The following EYA4 variants were observed in gnomAD, a reference collection of about 807,000 sequenced individuals.
EYA4 encodes the protein EYA transcriptional coactivator and phosphatase 4.
EYA4 carries 31 observed loss-of-function variants against 87.9 expected under a neutral mutation model. The ratio of observed to expected loss-of-function variants is 0.35; its 90% CI spans 0.27 to 0.48. The LOEUF is 0.48. EYA4 is among the 20% of genes least tolerant of loss of function. The probability of loss-of-function intolerance (pLI) is 0.99; values close to 1 mark genes in which losing one functional copy is unlikely to be tolerated. For missense variants in EYA4, 678 were observed against 761.4 expected, an observed-to-expected ratio of 0.89 and a Z score of 1.29; for synonymous variants, 263 against 270.6, an observed-to-expected ratio of 0.97 and a Z score of 0.28.
intron 3 of EYA4, among the ~76,000 whole-genome samples, chr6:133,428,831 A>C (rs1167797054): frequency 6.6e-6 from 1 of 150,580 alleles, no homozygotes; most frequent in Non-Finnish European, 1.5e-5. Context: ...AATTTGGTAA[A>C]CTAATTATTC....
intron 13 of EYA4, among the ~76,000 whole-genome samples, chr6:133,484,367 G>T (rs566305402): frequency 4.5e-4 from 68 of 152,144 alleles, no homozygotes; most frequent in African/African-American, 1.6e-3. Context: ...ATTAAGCTTT[G>T]TCTTCTGACA....
intron 2 of EYA4, among the ~76,000 whole-genome samples, chr6:133,321,628 A>T (rs1781098535): frequency 6.6e-6 from 1 of 152,158 alleles, no homozygotes; most frequent in African/African-American, 2.4e-5. Context: ...TTCATGTTTA[A>T]ATTGGTCGAT....
At chr6:133,330,578 C>T (rs111634735) in intron 2 of EYA4, among the ~76,000 whole-genome samples, 40,741 of 144,224 alleles carry the variant, frequency 0.28, 6,328 homozygotes, top group Middle Eastern at 0.42. Flanking sequence ...TACACACACA[C>T]ACACACACAC....
At chr6:133,254,944 G>T (rs909166410) in intron 1 of EYA4, among the ~76,000 whole-genome samples, 4 of 152,192 alleles carry the variant, frequency 2.6e-5, no homozygotes, top group African/African-American at 9.7e-5. Context: ...AGTTGAGAAT[G>T]CTGGAATCAG....
In EYA4 at chr6:133,329,207, A is replaced by G. The variant is rs149449489; in HGVS notation, c.34-53185A>G. On this transcript the variant is annotated intron_variant, in intron 2 of 19. Transcript: ENST00000355286. Reference sequence around the variant, plus strand: ...CATCCAAACTTTTTAAAGTTGTTAAATTTTTCTGAACTTATTTTTTCCAAT... The same window carrying G: ...CATCCAAACTTTTTAAAGTTGTTAAGTTTTTCTGAACTTATTTTTTCCAAT... Among the ~76,000 whole-genome samples, 87 of 152,066 alleles carry G rather than the reference A, an allele frequency of 5.7e-4. No individual in the cohort carries two copies. The Middle Eastern group carries it at 0.014, about 24-fold the overall frequency.
upstream of EYA4, among the ~76,000 whole-genome samples, chr6:133,241,095 ACATCCAGGGCCCCGAG>A (rs1165854559): frequency 2.1e-5 from 3 of 143,728 alleles, no homozygotes; most frequent in African/African-American, 8.8e-5. Flanking sequence ...GCCACCCGGG[ACATCCAGGGCCCCGAG>A]GCCCTGGGCG....
At chr6:133,491,766 A>G (rs1378871719) in intron 13 of EYA4, among the ~76,000 whole-genome samples, 1 of 151,966 alleles carries the variant, frequency 6.6e-6, no homozygotes, top group Non-Finnish European at 1.5e-5. Flanking sequence ...CCTAGCTAAC[A>G]TGGTGAAACC....
At chr6:133,438,586 G>A (rs183528912) in intron 3 of EYA4, among the ~76,000 whole-genome samples, 29 of 151,520 alleles carry the variant, frequency 1.9e-4, no homozygotes, top group Non-Finnish European at 3.5e-4. Flanking sequence ...TCCACTTTAT[G>A]GACGCTTACT....
intron 7 of EYA4, 124 bp from the exon 8 acceptor site, chr6:133,462,211 T>A (rs1253717532): frequency 8.5e-7 from 1 of 1,174,136 alleles, no homozygotes; most frequent in Admixed American, 1.7e-5. Context: ...TCCTATATTG[T>A]TAAAATTATA....
At chr6:133,425,877 T>G (rs1790626933) in intron 3 of EYA4, among the ~76,000 whole-genome samples, 1 of 150,752 alleles carries the variant, frequency 6.6e-6, no homozygotes, top group South Asian at 2.1e-4. Flanking sequence ...TAGGCTAAAA[T>G]TCAGACTTCG....
intron 2 of EYA4, among the ~76,000 whole-genome samples, chr6:133,303,771 C>T (rs1033592809): frequency 6.6e-6 from 1 of 152,210 alleles, no homozygotes; most frequent in Non-Finnish European, 1.5e-5. Flanking sequence ...CTACTTTAAA[C>T]TCACTTGATT....
Position 133,512,787 on chromosome 6 carries a change from A to T in EYA4, c.1340+8A>T. ...TAATGGGCAGGACTTAAGGTAAGCT[A>T]TGCCTTTCAGTATGCTGTTTCCTAC... On this transcript the variant is annotated splice_region_variant and intron_variant, in intron 15 of 19. Coordinates refer to ENST00000355286, the MANE Select transcript of EYA4 (RefSeq NM_004100.5). The T allele has an allele frequency of 6.2e-7, 1 of 1,611,758 alleles. No homozygotes were observed. The highest frequency in any genetic ancestry group is 1.1e-5 in the South Asian group (1 of 91,052).
Position 133,529,270 on chromosome 6 carries a change from A to T in EYA4, c.*465A>T. ...ACTCAGACTGTATAAGGACAGTCCT[A>T]TTTAGACATGTAATTTGTGTAAATT... On this transcript the variant is annotated 3_prime_UTR_variant, in exon 20 of 20. Transcript: ENST00000355286. 1.0e-6 allele frequency: 1 copy of T among 1,000,250 alleles called. No homozygotes were observed. The highest frequency in any genetic ancestry group is 1.2e-6 in the Non-Finnish European group (1 of 837,594). 62.0% of individuals were successfully genotyped at this position (1,000,250 alleles called of 1,614,324 possible).
intron 2 of EYA4, among the ~76,000 whole-genome samples, chr6:133,281,130 A>G (rs1777588990): frequency 6.6e-6 from 1 of 152,036 alleles, no homozygotes; most frequent in East Asian, 1.9e-4. Context: ...AAGAATATAA[A>G]TTTGCCCCTA....
At chr6:133,468,370 G>A (rs547202084) in intron 10 of EYA4, among the ~76,000 whole-genome samples, 196 bp from the exon 11 acceptor site, 1 of 151,922 alleles carries the variant, frequency 6.6e-6, no homozygotes, top group African/African-American at 2.4e-5. Context: ...AAAACAATAG[G>A]GTATTTCACT....
intron 2 of EYA4, among the ~76,000 whole-genome samples, chr6:133,340,466 C>T (rs1056187568): frequency 3.3e-5 from 5 of 152,040 alleles, no homozygotes; most frequent in Non-Finnish European, 5.9e-5. Flanking sequence ...ACAAGAAAGA[C>T]GCAGCTGAAA....
intron 2 of EYA4, among the ~76,000 whole-genome samples, chr6:133,314,873 T>C (rs1780506802): frequency 1.3e-5 from 2 of 152,212 alleles, no homozygotes; most frequent in African/African-American, 2.4e-5. Flanking sequence ...TCCAAACCAA[T>C]GGAAATTTCT....
intron 2 of EYA4, among the ~76,000 whole-genome samples, chr6:133,293,088 C>T (rs976527322): frequency 6.6e-6 from 1 of 152,156 alleles, no homozygotes; most frequent in Non-Finnish European, 1.5e-5. Flanking sequence ...CCTCTTGGAT[C>T]TCCTCCTCTT....
At chr6:133,393,530 G>A (rs1787487632) in intron 3 of EYA4, among the ~76,000 whole-genome samples, 2 of 152,170 alleles carry the variant, frequency 1.3e-5, no homozygotes, top group East Asian at 1.9e-4. Context: ...GCAGAGAGCT[G>A]GTGGAAGTAC....
Sources: allele counts gnomAD v4.1 joint callset (sites outside exome capture counted in the v4.1 genomes callset), GRCh38; gene constraint gnomAD v4.1.1; transcripts MANE v1.5; gene names NCBI Gene and HGNC (gene_info 2026-07-23, HGNC 2026-07-21).